Variants in RBFOX1 observed in about 807,000 individuals in gnomAD.
RBFOX1 encodes RNA binding fox-1 homolog 1.
In RBFOX1, 8 loss-of-function variants were observed where a neutral mutation model predicts 57.7. The ratio of observed to expected loss-of-function variants is 0.14; its 90% confidence interval spans 0.08 to 0.25. RBFOX1 has a LOEUF of 0.25. Ranked by LOEUF, RBFOX1 falls within the 10% of genes least tolerant of loss-of-function variation. RBFOX1 has a pLI of 1.00. For missense variants in RBFOX1, 611 were observed against 548.5 expected (o/e 1.11, Z -1.14); for synonymous variants, 326 against 222.4 (o/e 1.47, Z -4.15).
At chr16:7,079,837 G>A (rs1169557422) in intron 4 of RBFOX1, among the ~76,000 whole-genome samples, 1 of 151,886 alleles carries the variant, frequency 6.6e-6, no homozygotes, top group Non-Finnish European at 1.5e-5. Context: ...AGTGGCTGTA[G>A]GGTGATAATG....
At chr16:5,889,648 C>A (rs1051764551) in intron 4 of RBFOX1, among the ~76,000 whole-genome samples, 1 of 152,220 alleles carries the variant, frequency 6.6e-6, no homozygotes, top group Non-Finnish European at 1.5e-5. Context: ...CCACACATGT[C>A]CTCGTGCACT....
At chr16:6,281,650 A>G (rs1204755654) in intron 1 of RBFOX1, among the ~76,000 whole-genome samples, 1 of 152,098 alleles carries the variant, frequency 6.6e-6, no homozygotes, top group African/African-American at 2.4e-5. Context: ...GTTGGTAGTA[A>G]CGGCAAAAAC....
intron 2 of RBFOX1, among the ~76,000 whole-genome samples, chr16:6,623,215 C>G (rs375702105): frequency 2.0e-5 from 3 of 152,164 alleles, no homozygotes; most frequent in East Asian, 3.9e-4. Context: ...TTAGGTTAGT[C>G]AATTTGAGAT....
chr16:7,324,436 C>G (rs1217514662), intron 4 of RBFOX1, among the ~76,000 whole-genome samples: 7 of 152,128 alleles, frequency 4.6e-5, no homozygotes, highest in Non-Finnish European at 8.8e-5. Context: ...GGAGTAGCTG[C>G]ATCCTCCCCC....
chr16:7,569,160 C>T (rs1250763620), intron 5 of RBFOX1, among the ~76,000 whole-genome samples: 1 of 152,128 alleles, frequency 6.6e-6, no homozygotes, highest in Non-Finnish European at 1.5e-5. Flanking sequence ...TATACCTGTG[C>T]TTTCTGATGA....
At chr16:6,976,490 T>G (rs902146952) in intron 3 of RBFOX1, among the ~76,000 whole-genome samples, 17 of 152,126 alleles carry the variant, frequency 1.1e-4, no homozygotes, top group African/African-American at 3.4e-4. Flanking sequence ...AGAGGGGGTT[T>G]TTAGATCTCA....
chr16:6,908,137 A>G (rs2070560636), intron 3 of RBFOX1, among the ~76,000 whole-genome samples: 2 of 151,854 alleles, frequency 1.3e-5, no homozygotes, highest in South Asian at 4.2e-4. Flanking sequence ...TTGGAGGGAA[A>G]CAATTCAGCT....
chr16:7,246,734 C>A (rs910707972), intron 4 of RBFOX1, among the ~76,000 whole-genome samples: 5 of 147,380 alleles, frequency 3.4e-5, no homozygotes, highest in African/African-American at 7.6e-5. Flanking sequence ...GTGCTGACTG[C>A]GGTGGTATCA....
intron 4 of RBFOX1, among the ~76,000 whole-genome samples, chr16:7,295,438 A>G (rs2095869980): frequency 6.6e-6 from 1 of 152,184 alleles, no homozygotes; most frequent in Admixed American, 6.5e-5. Flanking sequence ...GTTGCTATAT[A>G]TTGAGTGGTT....
At chr16:6,256,231 ATG>A (rs1484839204) in intron 1 of RBFOX1, among the ~76,000 whole-genome samples, 14 of 51,854 alleles carry the variant, frequency 2.7e-4, no homozygotes, top group East Asian at 1.4e-3. Flanking sequence ...GTATATATAT[ATG>A]TGTATATATA....
chr16:7,089,598 T>C (rs1261985114), intron 4 of RBFOX1, among the ~76,000 whole-genome samples: 2 of 152,160 alleles, frequency 1.3e-5, no homozygotes, highest in Non-Finnish European at 2.9e-5. Flanking sequence ...AGTTGTTAAG[T>C]AGTGTCTGTG....
chr16:5,888,624 C>T (rs1014628704), intron 4 of RBFOX1, among the ~76,000 whole-genome samples: 8 of 151,906 alleles, frequency 5.3e-5, no homozygotes, highest in Non-Finnish European at 1.2e-4. Flanking sequence ...GGGGAAACCT[C>T]GTCTCTACTA....
At chr16:6,999,659 A>C (rs1443572425) in intron 3 of RBFOX1, among the ~76,000 whole-genome samples, 1 of 152,100 alleles carries the variant, frequency 6.6e-6, no homozygotes, top group East Asian at 1.9e-4. Context: ...CTTCCCCATC[A>C]ATATTTTGAA....
chr16:5,889,532 T>G (rs1287975896), intron 4 of RBFOX1, among the ~76,000 whole-genome samples: 1 of 152,248 alleles, frequency 6.6e-6, no homozygotes, highest in Non-Finnish European at 1.5e-5. Context: ...AACATACATG[T>G]GTGTGTACCT....
chr16:6,627,525 T>C (rs1285986972), intron 2 of RBFOX1, among the ~76,000 whole-genome samples: 1 of 152,156 alleles, frequency 6.6e-6, no homozygotes, highest in Non-Finnish European at 1.5e-5. Flanking sequence ...CAGTGGAGGA[T>C]TTGAGTAAGT....
chr16:6,480,957 C>G (rs889757183), intron 2 of RBFOX1, among the ~76,000 whole-genome samples: 2 of 152,128 alleles, frequency 1.3e-5, no homozygotes, highest in Admixed American at 1.3e-4. Flanking sequence ...TTGCCTCCCC[C>G]CACAACCCCA....
intron 1 of RBFOX1, among the ~76,000 whole-genome samples, chr16:6,061,342 G>A (rs1031714256): frequency 2.0e-5 from 3 of 152,130 alleles, no homozygotes; most frequent in Non-Finnish European, 4.4e-5. Flanking sequence ...ATGGGTGTAA[G>A]CGACAAGTGG....
At chr16:5,325,310 A>G (rs1443913505) in intron 1 of RBFOX1, among the ~76,000 whole-genome samples, 1 of 152,138 alleles carries the variant, frequency 6.6e-6, no homozygotes. Context: ...ACACATGGAA[A>G]CACGAGACTC....
At chr16:5,912,659 G>T (rs934288447) in intron 4 of RBFOX1, among the ~76,000 whole-genome samples, 3 of 152,174 alleles carry the variant, frequency 2.0e-5, no homozygotes, top group African/African-American at 7.2e-5. Flanking sequence ...CTATTTGCTT[G>T]CTGGGGTTTT....
Sources: allele counts gnomAD v4.1 joint callset (sites outside exome capture counted in the v4.1 genomes callset), GRCh38; gene constraint gnomAD v4.1.1; transcripts MANE v1.5; gene names NCBI Gene and HGNC (gene_info 2026-07-23, HGNC 2026-07-21).